DLC1: variants seen among roughly 807,000 people sequenced by gnomAD.
DLC1 encodes DLC1 Rho GTPase activating protein, also known as rho GTPase-activating protein 7.
Under a neutral mutation model 140.3 loss-of-function variants are expected in DLC1, and 54 were observed. The ratio of observed to expected loss-of-function variants is 0.38; its 90% CI spans 0.31 to 0.48. The LOEUF is 0.48. Among genes scored for constraint, DLC1 ranks in the 20% least tolerant of loss-of-function variants. DLC1 has a pLI of 0.96. For missense variants in DLC1, 2,536 were observed against 1,907.0 expected (o/e 1.33, Z -6.14); for synonymous variants, 986 against 728.1 (o/e 1.35, Z -5.70).
At chr8:13,524,755 A>T in intron 1 of DLC1, among the ~76,000 whole-genome samples, 1 of 147,050 alleles carries the variant, frequency 6.8e-6, no homozygotes, top group African/African-American at 2.5e-5. Context: ...CTTCTTTTTC[A>T]TTTTTTCAAT....
chr8:13,268,927 T>C (rs1830802692), intron 5 of DLC1, among the ~76,000 whole-genome samples: 4 of 145,422 alleles, frequency 2.8e-5, no homozygotes, highest in Admixed American at 1.4e-4. Context: ...CAGGCTAGAG[T>C]GCAGTGGCGT....
rs537647286 is a variant in DLC1 at position 13,205,429 on chromosome 8, G to A, written c.1349-89772C>T. On this transcript the variant is annotated intron_variant, in intron 5 of 17. Transcript: ENST00000276297. ...TCACTTATACTCAAAGTCTGTTAAG[G>A]GGAGATTGTGGTTCCGCGGCATAAA... Among the ~76,000 whole-genome samples, 20 of 152,174 alleles carry A rather than the reference G, an allele frequency of 1.3e-4. 1 individual carries two copies. The South Asian group carries it at 2.7e-3, about 21-fold the overall frequency.
chr8:13,152,824 G>GAAAAAAAAA (rs773483544), intron 5 of DLC1, among the ~76,000 whole-genome samples: 47,452 of 92,102 alleles, frequency 0.52, 12,288 homozygotes, highest in South Asian at 0.59. Flanking sequence ...CTCTGGGGAA[G>GAAAAAAAAA]AAAAAAAAAA....
intron 1 of DLC1, among the ~76,000 whole-genome samples, chr8:13,579,048 A>G (rs908531354): frequency 6.6e-6 from 1 of 151,464 alleles, no homozygotes; most frequent in East Asian, 2.0e-4. Flanking sequence ...CACTAGAACA[A>G]AAGAGACTCC....
intron 2 of DLC1, among the ~76,000 whole-genome samples, chr8:13,401,987 A>T (rs1837320165): frequency 1.3e-5 from 2 of 152,132 alleles, no homozygotes; most frequent in South Asian, 2.1e-4. Flanking sequence ...ACTAATAATT[A>T]TTTGTGGCTA....
chr8:13,342,462 G>C (rs991140233), intron 4 of DLC1: 1 of 152,228 alleles, frequency 6.6e-6, no homozygotes, highest in East Asian at 1.9e-4. Context: ...TTTCAGATGT[G>C]ATTAGTATTT....
At chr8:13,537,528 T>A (rs939441359) in intron 1 of DLC1, among the ~76,000 whole-genome samples, 1 of 152,078 alleles carries the variant, frequency 6.6e-6, no homozygotes, top group Non-Finnish European at 1.5e-5. Flanking sequence ...AAAGCTGACA[T>A]GGGCTACGAG....
At chr8:13,253,217 C>T (rs1342035197) in intron 5 of DLC1, among the ~76,000 whole-genome samples, 1 of 152,094 alleles carries the variant, frequency 6.6e-6, no homozygotes, top group Admixed American at 6.6e-5. Flanking sequence ...AATAGTCATG[C>T]AAATTTTGTA....
chr8:13,127,929 C>T (rs1439067586), intron 5 of DLC1, among the ~76,000 whole-genome samples: 3 of 152,100 alleles, frequency 2.0e-5, no homozygotes, highest in Non-Finnish European at 4.4e-5. Flanking sequence ...CTTCAATGAG[C>T]TTTTGATTTT....
intron 5 of DLC1, among the ~76,000 whole-genome samples, chr8:13,184,653 G>T (rs149873670): frequency 0.016 from 2,476 of 152,294 alleles, 72 homozygotes; most frequent in African/African-American, 0.056. Context: ...ACTGTACTGT[G>T]GTCTGAGAGA....
chr8:13,290,848 G>C (rs1831729071), intron 5 of DLC1, among the ~76,000 whole-genome samples: 1 of 152,166 alleles, frequency 6.6e-6, no homozygotes, highest in African/African-American at 2.4e-5. Context: ...ATGGCACTAG[G>C]GGGCAACTGG....
At chr8:13,492,931 G>C (rs1351505) in intron 2 of DLC1, among the ~76,000 whole-genome samples, 129,407 of 152,190 alleles carry the variant, frequency 0.85, 55,829 homozygotes, top group Non-Finnish European at 0.94. Context: ...TTATTTGATA[G>C]TTTTCAGTGG....
chr8:13,569,808 A>C (rs778410421), intron 1 of DLC1, among the ~76,000 whole-genome samples: 3 of 152,176 alleles, frequency 2.0e-5, no homozygotes, highest in African/African-American at 2.4e-5. Flanking sequence ...TGCAGCCTCA[A>C]CCTCTAGGAT....
At chr8:13,560,423 A>T (rs1406288949) in intron 1 of DLC1, among the ~76,000 whole-genome samples, 3 of 151,866 alleles carry the variant, frequency 2.0e-5, no homozygotes, top group African/African-American at 7.3e-5. Context: ...TGTACTCACA[A>T]GGCCCCCACA....
chr8:13,184,766 T>G (rs1018459332), intron 5 of DLC1, among the ~76,000 whole-genome samples: 1 of 152,218 alleles, frequency 6.6e-6, no homozygotes, highest in African/African-American at 2.4e-5. Context: ...GAGAAGAATG[T>G]ATATTCTCTT....
chr8:13,320,453 A>G (rs1833051395), intron 4 of DLC1, among the ~76,000 whole-genome samples: 1 of 152,230 alleles, frequency 6.6e-6, no homozygotes, highest in African/African-American at 2.4e-5. Context: ...ATATTTAAAA[A>G]TAAAAACATG....
At chr8:13,413,838 C>T (rs985141834) in intron 2 of DLC1, among the ~76,000 whole-genome samples, 2 of 152,124 alleles carry the variant, frequency 1.3e-5, no homozygotes, top group South Asian at 2.1e-4. Flanking sequence ...GTTAAAGCCC[C>T]TTTCTTTATA....
At chr8:13,398,472 A>G (rs1319957916) in intron 3 of DLC1, among the ~76,000 whole-genome samples, 2 of 152,014 alleles carry the variant, frequency 1.3e-5, no homozygotes, top group African/African-American at 4.8e-5. Flanking sequence ...CAATAATTAA[A>G]TCAAGAAAGA....
chr8:13,146,985 G>A (rs993562882), intron 5 of DLC1, among the ~76,000 whole-genome samples: 1 of 152,140 alleles, frequency 6.6e-6, no homozygotes, highest in Non-Finnish European at 1.5e-5. Flanking sequence ...ATTTAGGCAA[G>A]TGGAAGACAA....
Sources: gnomAD v4.1 joint callset for allele counts (sites outside exome capture counted in the v4.1 genomes callset) on GRCh38, gnomAD v4.1.1 for gene constraint, MANE v1.5 for transcripts, NCBI Gene and HGNC (gene_info 2026-07-23, HGNC 2026-07-21) for gene names.